Variants in PPP2R2B observed in about 807,000 individuals in gnomAD.
The protein encoded by PPP2R2B is serine/threonine-protein phosphatase 2A 55 kDa regulatory subunit B beta isoform.
PPP2R2B carries 5 observed loss-of-function variants against 46.0 expected under a neutral mutation model. The observed-to-expected ratio is 0.11, with a 90% CI of 0.06 to 0.23. The LOEUF is 0.23. PPP2R2B is among the 10% of genes least tolerant of loss of function. The probability of loss-of-function intolerance (pLI) is 1.00; values close to 1 mark genes in which losing one functional copy is unlikely to be tolerated. For synonymous variants in PPP2R2B, 215 were observed against 206.7 expected (o/e 1.04, Z -0.34); for missense variants, 367 against 575.0 (o/e 0.64, Z 3.70).
At chr5:146,742,536 C>T (rs1752940422) in intron 2 of PPP2R2B, among the ~76,000 whole-genome samples, 1 of 152,118 alleles carries the variant, frequency 6.6e-6, no homozygotes, top group Admixed American at 6.6e-5. Flanking sequence ...CACCTCCCTA[C>T]TTTTTTCTGT....
chr5:146,849,277 A>T (rs1021445597), intron 2 of PPP2R2B, among the ~76,000 whole-genome samples: 1 of 152,194 alleles, frequency 6.6e-6, no homozygotes, highest in Non-Finnish European at 1.5e-5. Flanking sequence ...ATCTACATAA[A>T]TATTTCTATA....
chr5:146,643,612 G>A (rs1169828420), intron 6 of PPP2R2B, among the ~76,000 whole-genome samples: 2 of 152,124 alleles, frequency 1.3e-5, no homozygotes, highest in African/African-American at 4.8e-5. Flanking sequence ...AAGGAGGTGA[G>A]GGATAAAAGA....
At chr5:146,687,883 T>G (rs1210093136) in intron 5 of PPP2R2B, among the ~76,000 whole-genome samples, 1 of 152,112 alleles carries the variant, frequency 6.6e-6, no homozygotes, top group Non-Finnish European at 1.5e-5. Context: ...CACATAGAAC[T>G]GGAAACTATG....
chr5:147,003,467 A>G (rs1421418500), intron 1 of PPP2R2B, among the ~76,000 whole-genome samples: 1 of 152,172 alleles, frequency 6.6e-6, no homozygotes, highest in Non-Finnish European at 1.5e-5. Context: ...TAGATATCCT[A>G]CAGGGTCTAG....
intron 2 of PPP2R2B, among the ~76,000 whole-genome samples, chr5:146,710,513 G>T (rs1418994800): frequency 6.6e-6 from 1 of 152,178 alleles, no homozygotes; most frequent in African/African-American, 2.4e-5. Context: ...TTGCCTAAAG[G>T]GCAAAGGAGT....
chr5:146,950,185 T>G (rs1764608500), intron 1 of PPP2R2B, among the ~76,000 whole-genome samples: 1 of 152,080 alleles, frequency 6.6e-6, no homozygotes, highest in Non-Finnish European at 1.5e-5. Context: ...TATCCCGATG[T>G]GATTATTATG....
intron 2 of PPP2R2B, among the ~76,000 whole-genome samples, chr5:146,851,148 A>G (rs185845265): frequency 2.0e-5 from 3 of 152,284 alleles, no homozygotes; most frequent in African/African-American, 4.8e-5. Context: ...AAGGTTCACA[A>G]TGGTGCCAAT....
intron 2 of PPP2R2B, among the ~76,000 whole-genome samples, chr5:146,860,210 G>A (rs970801880): frequency 6.6e-6 from 1 of 152,110 alleles, no homozygotes; most frequent in Non-Finnish European, 1.5e-5. Flanking sequence ...TAAAACAAAA[G>A]CCATCATGCT....
At chr5:146,759,788 T>G (rs1582038599) in intron 2 of PPP2R2B, among the ~76,000 whole-genome samples, 1 of 151,724 alleles carries the variant, frequency 6.6e-6, no homozygotes, top group Non-Finnish European at 1.5e-5. Context: ...ACGGAGGGTA[T>G]AAGAACAGGA....
rs1247745913 is a variant in PPP2R2B at position 146,587,120 on chromosome 5, C to G, written c.*2827G>C. 1 of 152,196 alleles carries G rather than the reference C, an allele frequency of 6.6e-6. No homozygotes were observed. Among genetic ancestry groups the G allele is most frequent in the Admixed American group, 6.5e-5 (1 of 15,284 alleles). The allele number at this position is 152,196 out of a possible 1,614,324, so 9.4% of individuals were successfully genotyped here. A position where few individuals can be genotyped will look rare whatever the true frequency, so the allele number is the denominator to read the frequency against. ...CAACTGTTGCAAGGTAGCAAATCAG[C>G]CTTCAAGTAGTTTTTAGTGTCAGCA... On this transcript the variant is annotated 3_prime_UTR_variant, in exon 10 of 10. Coordinates refer to ENST00000394411, the MANE Select transcript of PPP2R2B (RefSeq NM_181675.4).
chr5:146,645,287 A>AAGGACAT (rs1775504231), intron 6 of PPP2R2B, among the ~76,000 whole-genome samples: 1 of 152,212 alleles, frequency 6.6e-6, no homozygotes, highest in African/African-American at 2.4e-5. Flanking sequence ...TATTAGCTGA[A>AAGGACAT]AGGACATGTT....
At chr5:146,857,599 T>C (rs913489119) in intron 2 of PPP2R2B, among the ~76,000 whole-genome samples, 3 of 152,186 alleles carry the variant, frequency 2.0e-5, no homozygotes, top group African/African-American at 7.2e-5. Flanking sequence ...AAGATTAAGG[T>C]TAGTGTATTA....
At chr5:146,670,191 A>C (rs1036518986) in intron 5 of PPP2R2B, among the ~76,000 whole-genome samples, 3 of 152,140 alleles carry the variant, frequency 2.0e-5, no homozygotes, top group Non-Finnish European at 4.4e-5. Flanking sequence ...ATATTCAACA[A>C]ATGTTTGTTG....
intron 2 of PPP2R2B, among the ~76,000 whole-genome samples, chr5:146,852,872 G>T (rs748411463): frequency 6.6e-6 from 1 of 152,140 alleles, no homozygotes; most frequent in Admixed American, 6.6e-5. Flanking sequence ...AGAGTAGAGA[G>T]TATGTATACC....
intron 2 of PPP2R2B, among the ~76,000 whole-genome samples, chr5:146,737,542 G>A (rs549540010): frequency 6.6e-6 from 1 of 152,276 alleles, no homozygotes; most frequent in South Asian, 2.1e-4. Flanking sequence ...AGAAGAGCTG[G>A]GATTTGAATC....
chr5:146,727,593 T>C (rs964014950), intron 2 of PPP2R2B, among the ~76,000 whole-genome samples: 1 of 152,026 alleles, frequency 6.6e-6, no homozygotes, highest in African/African-American at 2.4e-5. Flanking sequence ...TTTAGATAGG[T>C]GCAGTAACAG....
At chr5:146,796,543 G>A (rs965369965) in intron 2 of PPP2R2B, among the ~76,000 whole-genome samples, 1 of 152,104 alleles carries the variant, frequency 6.6e-6, no homozygotes, top group Admixed American at 6.5e-5. Context: ...AGGCAAATAA[G>A]GCAAAATCTC....
chr5:146,931,982 C>T (rs1763983798), intron 1 of PPP2R2B, among the ~76,000 whole-genome samples: 1 of 152,182 alleles, frequency 6.6e-6, no homozygotes, highest in Non-Finnish European at 1.5e-5. Flanking sequence ...ATATCCATGT[C>T]TGGTCATCAG....
At chr5:146,903,774 C>T (rs190418518) in intron 1 of PPP2R2B, among the ~76,000 whole-genome samples, 1 of 152,228 alleles carries the variant, frequency 6.6e-6, no homozygotes, top group Non-Finnish European at 1.5e-5. Flanking sequence ...CCTAGTGATA[C>T]TGATAATTTT....
Sources: allele counts gnomAD v4.1 joint callset (sites outside exome capture counted in the v4.1 genomes callset), GRCh38; gene constraint gnomAD v4.1.1; transcripts MANE v1.5; gene names NCBI Gene and HGNC (gene_info 2026-07-23, HGNC 2026-07-21).